Variants in TBC1D16 observed in about 807,000 individuals in gnomAD.
TBC1D16 encodes the protein TBC1 domain family member 16.
In TBC1D16, 58 loss-of-function variants were observed where a neutral mutation model predicts 74.7. That is an observed-to-expected ratio of 0.78 (90% CI 0.63 to 0.97). TBC1D16 has a LOEUF of 0.97. Among genes scored for constraint, TBC1D16 ranks in the 50% least tolerant of loss-of-function variants. TBC1D16 has a pLI of 0.00. For synonymous variants in TBC1D16, 493 were observed against 474.7 expected (o/e 1.04, Z -0.50); for missense variants, 1,014 against 1,079.5 (o/e 0.94, Z 0.85).
chr17:80,008,343 G>A lies in TBC1D16; in HGVS notation c.779+1817C>T, dbSNP rs1445914733. On this transcript the variant is annotated intron_variant, in intron 3 of 11. Transcript: ENST00000310924. The surrounding 1 kb of genome is among the most constrained non-coding windows in gnomAD (Gnocchi z 4.5). ...AACCAGTGATGCCAGGACTCAACCG[G>A]CACTCAACTCCCTAACTCCTAAACT... 6.6e-6 allele frequency among the ~76,000 whole-genome samples: 1 copy of A among 152,140 alleles called. No homozygotes were observed. Among genetic ancestry groups the A allele is most frequent in the Non-Finnish European group, 1.5e-5 (1 of 68,028 alleles).
intron 3 of TBC1D16, among the ~76,000 whole-genome samples, chr17:79,989,772 T>A (rs867275097): frequency 4.2e-4 from 64 of 152,300 alleles, no homozygotes; most frequent in Middle Eastern, 6.8e-3. Context: ...CCCTCGCAAG[T>A]CCCACCAGAG....
Position 80,031,240 on chromosome 17 carries a change from T to A in TBC1D16, c.-63+4555A>T, listed in dbSNP as rs545647139. Reference sequence around the variant, plus strand: ...AGGATAATCCCCTGCGGGGCCGCCGTGATTTCTCCTCGCAGCTGCGCTGAA... The same window carrying A: ...AGGATAATCCCCTGCGGGGCCGCCGAGATTTCTCCTCGCAGCTGCGCTGAA... On this transcript the variant is annotated intron_variant, in intron 1 of 11. Transcript: ENST00000310924. Among the ~76,000 whole-genome samples, 45 of 152,328 alleles carry A rather than the reference T, an allele frequency of 3.0e-4. No individual in the cohort carries two copies. In the South Asian group the frequency reaches 8.5e-3, roughly 29 times the overall value.
At chr17:80,002,924 C>A (rs1407846999) in intron 3 of TBC1D16, among the ~76,000 whole-genome samples, 1 of 152,176 alleles carries the variant, frequency 6.6e-6, no homozygotes, top group African/African-American at 2.4e-5. Flanking sequence ...GGGAACACCA[C>A]GCGGCCTTGA....
rs543310279 is a variant in TBC1D16 at position 80,010,445 on chromosome 17, G to A, written c.494C>T (p.Ala165Val). Residue 165 changes from alanine to valine, a missense_variant, in exon 3 of 12, where the codon GCG becomes GTG. Transcript: ENST00000310924. The surrounding 1 kb of genome is among the most constrained non-coding windows in gnomAD (Gnocchi z 8.8). The part of the protein sequence containing the change: ...SPAPEDEEKL[A>V]QGLGVDGAQP... ...GGCACCATCCACCCCCAAGCCCTGC[G>A]CCAGCTTCTCCTCATCCTCTGGCGC... 13 of 1,608,768 alleles carry A rather than the reference G, an allele frequency of 8.1e-6. 1 individual carries two copies. Among genetic ancestry groups the A allele is most frequent in the South Asian group, 2.2e-5 (2 of 90,454 alleles).
At position 80,008,211 on chromosome 17, in the gene TBC1D16, C is replaced by T. The variant is rs1598419224; in HGVS notation, c.779+1949G>A. ...AGGCGAAGGGCGGGGAAAAGCGAACCGGGGTGCATTCTCACAATACCCCCA... is the reference window on the plus strand; with the variant it reads ...AGGCGAAGGGCGGGGAAAAGCGAACTGGGGTGCATTCTCACAATACCCCCA... On this transcript the variant is annotated intron_variant, in intron 3 of 11. Coordinates refer to ENST00000310924, the MANE Select transcript of TBC1D16 (RefSeq NM_019020.4). The surrounding 1 kb of genome is among the most constrained non-coding windows in gnomAD (Gnocchi z 4.5). 6.6e-6 allele frequency among the ~76,000 whole-genome samples: 1 copy of T among 152,164 alleles called. No homozygotes were observed. The highest frequency in any genetic ancestry group is 1.9e-4 in the East Asian group (1 of 5,168).
chr17:80,018,337 AAC>A lies in TBC1D16; in HGVS notation c.-62-4730_-62-4729del, dbSNP rs1205925636. Among the ~76,000 whole-genome samples the A allele has an allele frequency of 3.0e-4, 45 of 149,224 alleles. 5 individuals are homozygous for A. The highest frequency in any genetic ancestry group is 1.0e-3 in the African/African-American group (39 of 38,856). ...CACTCTGTAGCCCAGGCTGGAGTGC[AAC>A]GGTGCAATCTCGGCTCACTGCAAGC... On this transcript the variant is annotated intron_variant, in intron 1 of 11. Coordinates refer to ENST00000310924, the MANE Select transcript of TBC1D16 (RefSeq NM_019020.4).
At position 79,949,865 on chromosome 17, in the gene TBC1D16, C is replaced by G; in HGVS notation, c.1258G>C (p.Ala420Pro). Residue 420 changes from alanine (A) to proline (P), a missense_variant and splice_region_variant, in exon 7 of 12, where the codon GCC (alanine) becomes CCC (proline). Ala to Pro is a conservative substitution (Grantham distance 27). Coordinates refer to ENST00000310924, the MANE Select transcript of TBC1D16 (RefSeq NM_019020.4). ...ACATCAATACCGCCAAAGAAAATGG[C>G]CTGGAGGAAGCGGCAAAAGTTGGGG... ...QVEEEYKLRK[A>P]IFFGGIDVSI... The G allele has an allele frequency of 6.2e-7, 1 of 1,611,848 alleles. No individual in the cohort carries two copies.
At chr17:80,006,186 C>T (rs1240462442) in intron 3 of TBC1D16, among the ~76,000 whole-genome samples, 1 of 151,914 alleles carries the variant, frequency 6.6e-6, no homozygotes, top group Non-Finnish European at 1.5e-5. Context: ...CAGGAGCGCT[C>T]TCGCTCTCTC....
chr17:79,993,890 G>T lies in TBC1D16; in HGVS notation c.779+16270C>A, dbSNP rs1167679526. ...AGCACCAGGAGCCCCCAGCCCCCATGCAACCACCGGCCGGGGTTGCGTCAA... is the reference window on the plus strand; with the variant it reads ...AGCACCAGGAGCCCCCAGCCCCCATTCAACCACCGGCCGGGGTTGCGTCAA... On this transcript the variant is annotated intron_variant, in intron 3 of 11. Coordinates refer to ENST00000310924, the MANE Select transcript of TBC1D16 (RefSeq NM_019020.4). This position sits in a 1 kb window ranked among gnomAD's most constrained non-coding sequence, Gnocchi z 5.1. Among the ~76,000 whole-genome samples, 1 of 152,132 alleles carries T rather than the reference G, an allele frequency of 6.6e-6. No homozygotes were observed. Among genetic ancestry groups the T allele is most frequent in the Non-Finnish European group, 1.5e-5 (1 of 68,014 alleles).
chr17:79,963,327 C>T (rs1365351085), intron 3 of TBC1D16, among the ~76,000 whole-genome samples: 1 of 152,142 alleles, frequency 6.6e-6, no homozygotes, highest in South Asian at 2.1e-4. Flanking sequence ...CACCTAATCT[C>T]AGTGAAATTA....
chr17:79,989,408 G>A (rs750125804), intron 3 of TBC1D16, among the ~76,000 whole-genome samples: 1 of 152,198 alleles, frequency 6.6e-6, no homozygotes, highest in Non-Finnish European at 1.5e-5. Context: ...GGCCTTGATC[G>A]GGCCCTTTTC....
rs2035814022 is a variant in TBC1D16 at position 80,009,989 on chromosome 17, G to A, written c.779+171C>T. ...TGTAAAGTGGGGACTCCCTGCTGAA[G>A]CCCTTGCCTCAGGGAGGGGCTCCTG... On this transcript the variant is annotated intron_variant, in intron 3 of 11. Coordinates refer to ENST00000310924, the MANE Select transcript of TBC1D16 (RefSeq NM_019020.4). This position sits in a 1 kb window ranked among gnomAD's most constrained non-coding sequence, Gnocchi z 5.4. 6.6e-6 allele frequency among the ~76,000 whole-genome samples: 1 copy of A among 152,186 alleles called. No individual in the cohort carries two copies. The highest frequency in any genetic ancestry group is 2.4e-5 in the African/African-American group (1 of 41,448).
intron 3 of TBC1D16, among the ~76,000 whole-genome samples, chr17:79,966,835 CAT>C (rs2033863796): frequency 6.6e-6 from 1 of 152,120 alleles, no homozygotes; most frequent in East Asian, 1.9e-4. Context: ...AACCCAACAA[CAT>C]ATAAGAAGAG....
chr17:79,978,418 G>A (rs2034431154), intron 3 of TBC1D16, among the ~76,000 whole-genome samples: 1 of 151,136 alleles, frequency 6.6e-6, no homozygotes, highest in East Asian at 2.0e-4. Context: ...AGATAACCAG[G>A]CCCGGCCTTT....
chr17:79,947,055 C>G (rs2032602382), intron 9 of TBC1D16, among the ~76,000 whole-genome samples: 1 of 152,208 alleles, frequency 6.6e-6, no homozygotes, highest in South Asian at 2.1e-4. Context: ...CGCTGGCCCT[C>G]CGGCGCTGCC....
Position 80,001,822 on chromosome 17 carries a change from A to C in TBC1D16, c.779+8338T>G. Reference sequence around the variant, plus strand: ...CCTTCCCTGCTGTCTCTTGCCCTGGACCCTCTCACATGCCCTTCCCTCCAC... The same window carrying C: ...CCTTCCCTGCTGTCTCTTGCCCTGGCCCCTCTCACATGCCCTTCCCTCCAC... On this transcript the variant is annotated intron_variant, in intron 3 of 11. Coordinates refer to ENST00000310924, the MANE Select transcript of TBC1D16 (RefSeq NM_019020.4). The surrounding 1 kb of genome is among the most constrained non-coding windows in gnomAD (Gnocchi z 5.8). Among the ~76,000 whole-genome samples the C allele has an allele frequency of 7.8e-6, 1 of 128,374 alleles. No individual in the cohort carries two copies. The allele number at this position is 128,374 out of a possible 152,430, so 84.2% of individuals were successfully genotyped here. A position where few individuals can be genotyped will look rare whatever the true frequency, so the allele number is the denominator to read the frequency against.
Position 79,952,749 on chromosome 17 carries a change from C to G in TBC1D16, c.849G>C (p.Trp283Cys). 1.2e-6 allele frequency: 2 copies of G among 1,612,282 alleles called. No individual in the cohort carries two copies. Among genetic ancestry groups the G allele is most frequent in the Non-Finnish European group, 1.7e-6 (2 of 1,179,460 alleles). ...DSNGLLQTPR[W>C]DEPQRVCALE... ...GGGCGCACACCCGCTGCGGCTCGTCCCAGCGTGGGGTCTGCAGGAGGCCGT... is the reference window on the plus strand; with the variant it reads ...GGGCGCACACCCGCTGCGGCTCGTCGCAGCGTGGGGTCTGCAGGAGGCCGT... Residue 283 changes from tryptophan to cysteine, a missense_variant, in exon 4 of 12, where the codon TGG becomes TGC. Coordinates refer to ENST00000310924, the MANE Select transcript of TBC1D16 (RefSeq NM_019020.4).
rs561631104 is a variant in TBC1D16, at chr17:80,015,112, G to A, written c.-62-1503C>T. 3.9e-5 allele frequency among the ~76,000 whole-genome samples: 6 copies of A among 152,206 alleles called. No individual in the cohort carries two copies. In the East Asian group the frequency reaches 9.7e-4, roughly 25 times the overall value. On this transcript the variant is annotated intron_variant, in intron 1 of 11. Transcript: ENST00000310924. Reference sequence around the variant, plus strand: ...CTCACAAACACACACACCAAGCCACGCCAAGGAACGACCGTGTCAGTGAAG... The same window carrying A: ...CTCACAAACACACACACCAAGCCACACCAAGGAACGACCGTGTCAGTGAAG...
At position 80,022,389 on chromosome 17, in the gene TBC1D16, T is replaced by A. The variant is rs1221709784; in HGVS notation, c.-62-8780A>T. Among the ~76,000 whole-genome samples the A allele has an allele frequency of 2.0e-5, 3 of 149,842 alleles. 1 individual carries two copies. Among genetic ancestry groups the A allele is most frequent in the African/African-American group, 7.6e-5 (3 of 39,234 alleles). Reference sequence around the variant, plus strand: ...TCTCTTGTTGCCCAGGCTAGTGGAGTGCAGTGGTGCTATCTTGGCTCACTG... The same window carrying A: ...TCTCTTGTTGCCCAGGCTAGTGGAGAGCAGTGGTGCTATCTTGGCTCACTG... On this transcript the variant is annotated intron_variant, in intron 1 of 11. Coordinates refer to ENST00000310924, the MANE Select transcript of TBC1D16 (RefSeq NM_019020.4).
Sources: allele counts gnomAD v4.1 joint callset (sites outside exome capture counted in the v4.1 genomes callset), GRCh38; gene constraint gnomAD v4.1.1; non-coding constraint Gnocchi (gnomAD v3.1); transcripts MANE v1.5; gene names NCBI Gene and HGNC (gene_info 2026-07-23, HGNC 2026-07-21).